Variants in AADACL2 observed in about 807,000 individuals in gnomAD.
The protein encoded by AADACL2 is arylacetamide deacetylase like 2.
Under a neutral mutation model 22.3 loss-of-function variants are expected in AADACL2, and 23 were observed. The ratio of observed to expected loss-of-function variants is 1.03; its 90% CI spans 0.74 to 1.46. AADACL2 has a LOEUF of 1.46. AADACL2 is among the 40% of genes most tolerant of loss of function. AADACL2 has a pLI of 0.00. For synonymous variants in AADACL2, 177 were observed against 166.2 expected (o/e 1.07, Z -0.50); for missense variants, 472 against 482.9 (o/e 0.98, Z 0.21).
In AADACL2 at chr3:151,758,490, T is replaced by A. The variant is rs916684084; in HGVS notation, c.*896T>A. ...TAACCTTCAGAGATTAGGATGTAGTTATCTTTTGGGAGGCCATTTTTAAAA... is the reference window on the plus strand; with the variant it reads ...TAACCTTCAGAGATTAGGATGTAGTAATCTTTTGGGAGGCCATTTTTAAAA... On this transcript the variant is annotated 3_prime_UTR_variant, in exon 5 of 5. Transcript: ENST00000356517. The A allele has an allele frequency of 3.3e-5, 5 of 152,178 alleles. No individual in the cohort carries two copies. The highest frequency in any genetic ancestry group is 5.9e-5 in the Non-Finnish European group (4 of 68,016). The allele number at this position is 152,178 out of a possible 1,614,324, so 9.4% of individuals were successfully genotyped here.
intron 2 of AADACL2, among the ~76,000 whole-genome samples, chr3:151,743,089 T>C (rs1713332276): frequency 6.6e-6 from 1 of 152,172 alleles, no homozygotes; most frequent in Non-Finnish European, 1.5e-5. Context: ...AGAGAGTTCT[T>C]AGGTCTTGTA....
Position 151,757,235 on chromosome 3 carries a change from T to C in AADACL2, c.847T>C (p.Trp283Arg). The change falls in exon 5 of 5, where the codon TGG becomes CGG. Residue 283 changes from tryptophan (W) to arginine (R), a missense_variant. Coordinates refer to ENST00000356517, the MANE Select transcript of AADACL2 (RefSeq NM_207365.4). Reference protein sequence around the residue: ...ESRHLFKFVNWSILLPEKYRK... With the variant: ...ESRHLFKFVNRSILLPEKYRK... ...AAGACATCTGTTTAAGTTTGTTAAC[T>C]GGAGTATTCTTCTTCCTGAGAAGTA... 6.2e-7 allele frequency: 1 copy of C among 1,613,694 alleles called. No homozygotes were observed. Among genetic ancestry groups the C allele is most frequent in the South Asian group, 1.1e-5 (1 of 91,052 alleles).
intron 1 of AADACL2, among the ~76,000 whole-genome samples, chr3:151,735,458 C>T (rs1213039391): frequency 6.6e-6 from 1 of 152,158 alleles, no homozygotes; most frequent in Non-Finnish European, 1.5e-5. Flanking sequence ...TGCATACTTC[C>T]TCGTCTTTAA....
chr3:151,742,284 C>T (rs1229950138), intron 2 of AADACL2, among the ~76,000 whole-genome samples: 5 of 151,914 alleles, frequency 3.3e-5, no homozygotes, highest in African/African-American at 1.2e-4. Context: ...TGTTTTTCAA[C>T]ATTTATCCTC....
intron 3 of AADACL2, 88 bp from the exon 4 acceptor site, chr3:151,745,421 A>C (rs1164537786): frequency 7.5e-7 from 1 of 1,340,120 alleles, no homozygotes; most frequent in Non-Finnish European, 1.0e-6. Flanking sequence ...CTGAACAATA[A>C]AGACTGGCAT....
chr3:151,754,184 G>A (rs1173893946), intron 4 of AADACL2, among the ~76,000 whole-genome samples: 1 of 152,098 alleles, frequency 6.6e-6, no homozygotes, highest in Non-Finnish European at 1.5e-5. Context: ...GTCCAGGAGG[G>A]ATGTTTGCGA....
chr3:151,740,997 T>C, intron 2 of AADACL2, 129 bp downstream of exon 2: 2 of 702,456 alleles, frequency 2.8e-6, no homozygotes, highest in South Asian at 5.2e-5. Context: ...TATGGATAAG[T>C]ATAGATATAA....
intron 2 of AADACL2, among the ~76,000 whole-genome samples, chr3:151,743,164 A>AT (rs534568379): frequency 0.012 from 1,878 of 151,940 alleles, 27 homozygotes; most frequent in Non-Finnish European, 0.017. Context: ...ATAAAACATT[A>AT]TTTTTTTCTA....
chr3:151,756,943 TG>T (rs1342405006), intron 4 of AADACL2, 48 bp from the exon 5 acceptor site: 1 of 1,508,982 alleles, frequency 6.6e-7, no homozygotes, highest in Non-Finnish European at 8.8e-7. Context: ...TTTTTTCTCC[TG>T]GTATTTTGGA....
chr3:151,738,864 T>C (rs937016871), intron 1 of AADACL2, among the ~76,000 whole-genome samples: 6 of 152,254 alleles, frequency 3.9e-5, no homozygotes, highest in African/African-American at 1.4e-4. Flanking sequence ...TATGTTCTTC[T>C]CTAAACTGGT....
At chr3:151,750,114 T>A (rs975352452) in intron 4 of AADACL2, among the ~76,000 whole-genome samples, 1 of 152,246 alleles carries the variant, frequency 6.6e-6, no homozygotes, top group Non-Finnish European at 1.5e-5. Context: ...TTATTCTTCA[T>A]TCTCTTACTA....
At chr3:151,745,315 G>C (rs1713402886) in intron 3 of AADACL2, among the ~76,000 whole-genome samples, 194 bp from the exon 4 acceptor site, 1 of 152,098 alleles carries the variant, frequency 6.6e-6, no homozygotes, top group Admixed American at 6.5e-5. Context: ...TCCATTCATG[G>C]ATTTTAGGTA....
chr3:151,744,855 G>A (rs1038819429), intron 3 of AADACL2, among the ~76,000 whole-genome samples: 3 of 152,068 alleles, frequency 2.0e-5, no homozygotes, highest in South Asian at 4.1e-4. Context: ...TTGACTGCTA[G>A]ATGTATTTTC....
chr3:151,753,289 ATC>A (rs1713742461), intron 4 of AADACL2, among the ~76,000 whole-genome samples: 1 of 152,104 alleles, frequency 6.6e-6, no homozygotes, highest in African/African-American at 2.4e-5. Flanking sequence ...GAGTGATATA[ATC>A]TGTTTTACTG....
chr3:151,757,085 C>T lies in AADACL2; in HGVS notation c.697C>T (p.Arg233Ter), dbSNP rs77715518. ...AACAGATTCTTATTTGCCATCTCAC[C>T]GAGAAAATGAGCATGGTATAGTTTT... Reference protein sequence around the residue: ...QITDSYLPSHRENEHGIVLTR... With the variant: ...QITDSYLPSH Residue 233 changes from arginine (R) to a stop codon, truncating the protein, a stop_gained, in exon 5 of 5, where the codon CGA (arginine) becomes TGA (stop). Transcript: ENST00000356517. LOFTEE classifies it low-confidence loss of function (END_TRUNC). The T allele has an allele frequency of 5.5e-5, 89 of 1,612,946 alleles. No individual in the cohort carries two copies. The East Asian group carries it at 1.1e-3, about 21-fold the overall frequency.
chr3:151,755,235 T>C (rs1179252680), intron 4 of AADACL2: 2 of 101,740 alleles, frequency 2.0e-5, no homozygotes, highest in Non-Finnish European at 4.6e-5. Context: ...TTAATGACTT[T>C]ATTATCTTAG....
Position 151,757,775 on chromosome 3 carries a change from A to G in AADACL2, c.*181A>G, listed in dbSNP as rs1427410612. 1 of 579,628 alleles carries G rather than the reference A, an allele frequency of 1.7e-6. No homozygotes were observed. Among genetic ancestry groups the G allele is most frequent in the East Asian group, 3.1e-5 (1 of 32,030 alleles). The allele number at this position is 579,628 out of a possible 1,614,324, so 35.9% of individuals were successfully genotyped here. A position where few individuals can be genotyped will look rare whatever the true frequency, so the allele number is the denominator to read the frequency against. ...CTGACTTGCAGACCCTGAATATGTA[A>G]AATGTATGTAATCCTGCCTATTTTC... On this transcript the variant is annotated 3_prime_UTR_variant, in exon 5 of 5. Transcript: ENST00000356517.
Position 151,740,690 on chromosome 3 carries a change from T to C in AADACL2, c.183T>C (p.Phe61=). The C allele has an allele frequency of 6.2e-7, 1 of 1,613,798 alleles. No homozygotes were observed. Among genetic ancestry groups the C allele is most frequent in the Non-Finnish European group, 8.5e-7 (1 of 1,179,760 alleles). The change falls in exon 2 of 5, where the codon TTT becomes TTC. Residue 61 remains phenylalanine, a synonymous_variant. Coordinates refer to ENST00000356517, the MANE Select transcript of AADACL2 (RefSeq NM_207365.4). ...ENMRIMRYEE[F]ISMIFRLDYT... ...TGCGTATTATGAGATATGAAGAGTT[T>C]ATATCCATGATATTCAGGCTGGATT...
At chr3:151,746,984 A>G (rs547529628) in intron 4 of AADACL2, among the ~76,000 whole-genome samples, 1 of 151,574 alleles carries the variant, frequency 6.6e-6, no homozygotes, top group East Asian at 1.9e-4. Context: ...GCTCACTGCA[A>G]CCTCTGCCAC....
Sources: allele counts gnomAD v4.1 joint callset (sites outside exome capture counted in the v4.1 genomes callset), GRCh38; gene constraint gnomAD v4.1.1; transcripts MANE v1.5; gene names NCBI Gene and HGNC (gene_info 2026-07-23, HGNC 2026-07-21).